Variants in TNFSF4 observed in about 807,000 individuals in gnomAD.
TNFSF4 encodes the protein TNF superfamily member 4.
Under a neutral mutation model 7.3 loss-of-function variants are expected in TNFSF4, and 4 were observed. That is an observed-to-expected ratio of 0.55 (90% CI 0.27 to 1.25). The LOEUF is 1.25. Among genes scored for constraint, TNFSF4 ranks in the 50% most tolerant of loss-of-function variants. TNFSF4 has a pLI of 0.12. For missense variants in TNFSF4, 181 were observed against 208.8 expected, an observed-to-expected ratio of 0.87 and a Z score of 0.82; for synonymous variants, 76 against 83.7, an observed-to-expected ratio of 0.91 and a Z score of 0.50.
chr1:173,268,589 A>G, the TNFSF4 span, among the ~76,000 whole-genome samples: 3 of 152,160 alleles, frequency 2.0e-5, no homozygotes, highest in South Asian at 6.2e-4. Context: ...AAAATGTGTA[A>G]GTTACCCAAA....
At chr1:173,419,337 G>A in the TNFSF4 span, among the ~76,000 whole-genome samples, 11,218 of 144,990 alleles carry the variant, frequency 0.077, 659 homozygotes, top group East Asian at 0.28. Flanking sequence ...GCAAGACTCC[G>A]TCTCAGAAAA....
At chr1:173,177,011 C>T in the TNFSF4 span, among the ~76,000 whole-genome samples, 9 of 152,084 alleles carry the variant, frequency 5.9e-5, no homozygotes, top group South Asian at 1.9e-3. Flanking sequence ...AAAAAACTAC[C>T]TATCGAGTAC....
chr1:173,356,843 G>A, the TNFSF4 span, among the ~76,000 whole-genome samples: 1 of 152,128 alleles, frequency 6.6e-6, no homozygotes, highest in Non-Finnish European at 1.5e-5. Context: ...TCAATGTGTG[G>A]GGGGAAAAAA....
the TNFSF4 span, among the ~76,000 whole-genome samples, chr1:173,416,554 T>A: frequency 6.6e-6 from 1 of 152,126 alleles, no homozygotes; most frequent in Non-Finnish European, 1.5e-5. Flanking sequence ...ATTATCATCC[T>A]GGCCAAAACA....
the TNFSF4 span, among the ~76,000 whole-genome samples, chr1:173,221,569 T>C: frequency 1.3e-5 from 2 of 152,168 alleles, no homozygotes; most frequent in African/African-American, 4.8e-5. Flanking sequence ...TTGTACATCA[T>C]TGGGCTGAGT....
chr1:173,252,505 C>A, the TNFSF4 span, among the ~76,000 whole-genome samples: 1 of 152,052 alleles, frequency 6.6e-6, no homozygotes, highest in Non-Finnish European at 1.5e-5. Flanking sequence ...ATTATCTGTG[C>A]AATACTAGAT....
the TNFSF4 span, among the ~76,000 whole-genome samples, chr1:173,328,570 A>T: frequency 1.3e-5 from 2 of 151,972 alleles, no homozygotes; most frequent in East Asian, 3.9e-4. Context: ...CCCCCCCCAA[A>T]AAAAAAACCC....
At chr1:173,387,237 C>T in the TNFSF4 span, among the ~76,000 whole-genome samples, 3 of 152,192 alleles carry the variant, frequency 2.0e-5, no homozygotes, top group Non-Finnish European at 4.4e-5. Context: ...CATGTTGAAA[C>T]TGAATCCCCA....
chr1:173,206,983 C>T (rs768911178), intron 1 of TNFSF4, 41 bp downstream of exon 1: 1 of 1,560,452 alleles, frequency 6.4e-7, no homozygotes, highest in South Asian at 1.2e-5. Flanking sequence ...CTGCCATCAG[C>T]ATGAGCTGGT....
chr1:173,313,422 G>A, the TNFSF4 span, among the ~76,000 whole-genome samples: 1 of 152,028 alleles, frequency 6.6e-6, no homozygotes, highest in Non-Finnish European at 1.5e-5. Flanking sequence ...TACTTCGCTT[G>A]AGAACTCTTT....
chr1:173,201,126 A>C (rs1208188558), intron 1 of TNFSF4, among the ~76,000 whole-genome samples: 1 of 152,218 alleles, frequency 6.6e-6, no homozygotes, highest in Non-Finnish European at 1.5e-5. Context: ...AATATATCAA[A>C]ATAAGAAGAA....
intron 1 of TNFSF4, among the ~76,000 whole-genome samples, chr1:173,205,946 T>C (rs150155598): frequency 6.6e-6 from 1 of 152,278 alleles, no homozygotes; most frequent in African/African-American, 2.4e-5. Context: ...GGTACAGTGA[T>C]CATAACCACA....
chr1:173,386,785 C>T, the TNFSF4 span, among the ~76,000 whole-genome samples: 1 of 152,184 alleles, frequency 6.6e-6, no homozygotes, highest in Non-Finnish European at 1.5e-5. Flanking sequence ...GAGCCCAATC[C>T]CCACCCCAGT....
chr1:173,349,991 G>A, the TNFSF4 span, among the ~76,000 whole-genome samples: 2 of 152,242 alleles, frequency 1.3e-5, no homozygotes, highest in Non-Finnish European at 2.9e-5. Flanking sequence ...CAAAACAGAA[G>A]CAAGTAGAAC....
chr1:173,376,752 C>T, the TNFSF4 span, among the ~76,000 whole-genome samples: 96 of 152,324 alleles, frequency 6.3e-4, 1 homozygote, highest in East Asian at 0.017. Flanking sequence ...GCAGCTGCAA[C>T]CAGCTCAGGT....
At chr1:173,216,109 C>A in the TNFSF4 span, among the ~76,000 whole-genome samples, 4 of 152,218 alleles carry the variant, frequency 2.6e-5, no homozygotes, top group Middle Eastern at 6.8e-3. Flanking sequence ...AAGCGCAGAT[C>A]CCTGACAAGA....
chr1:173,342,549 T>C, the TNFSF4 span, among the ~76,000 whole-genome samples: 1 of 152,166 alleles, frequency 6.6e-6, no homozygotes, highest in Non-Finnish European at 1.5e-5. Context: ...TATGGACATA[T>C]TATCCGTTTC....
At chr1:173,443,457 T>C in the TNFSF4 span, among the ~76,000 whole-genome samples, 2 of 152,138 alleles carry the variant, frequency 1.3e-5, no homozygotes, top group African/African-American at 4.8e-5. Context: ...AATGATAAAA[T>C]ATTTCTATAT....
the TNFSF4 span, among the ~76,000 whole-genome samples, chr1:173,344,517 G>C: frequency 1.3e-5 from 2 of 152,298 alleles, no homozygotes; most frequent in South Asian, 4.1e-4. Context: ...TAGAATACTA[G>C]GAGCTTTAGC....
Sources: allele counts gnomAD v4.1 joint callset (sites outside exome capture counted in the v4.1 genomes callset), GRCh38; gene constraint gnomAD v4.1.1; transcripts MANE v1.5; gene names NCBI Gene and HGNC (gene_info 2026-07-23, HGNC 2026-07-21).